TMEM71: variants seen among roughly 807,000 people sequenced by gnomAD.
TMEM71 encodes the protein transmembrane protein 71.
A neutral mutation model predicts 38.0 loss-of-function variants in TMEM71; 44 were observed. The observed-to-expected ratio is 1.16, with a 90% CI of 0.91 to 1.49. TMEM71 has a LOEUF of 1.49. TMEM71 is among the 40% of genes most tolerant of loss of function. TMEM71 has a pLI of 0.00. For missense variants in TMEM71, 367 were observed against 348.6 expected, an observed-to-expected ratio of 1.05 and a Z score of -0.42; for synonymous variants, 133 against 122.5, an observed-to-expected ratio of 1.09 and a Z score of -0.56.
the TMEM71 span, among the ~76,000 whole-genome samples, chr8:132,772,703 G>A: frequency 4.6e-5 from 7 of 152,136 alleles, no homozygotes; most frequent in African/African-American, 1.7e-4. Flanking sequence ...ATATGACTAT[G>A]ATAATATAAA....
chr8:132,755,633 T>C (rs989258534), intron 3 of TMEM71, among the ~76,000 whole-genome samples: 4 of 152,226 alleles, frequency 2.6e-5, no homozygotes, highest in Non-Finnish European at 5.9e-5. Context: ...TACACACTGA[T>C]AGATTACAGA....
intron 5 of TMEM71, among the ~76,000 whole-genome samples, chr8:132,736,655 C>A (rs1488815598): frequency 6.6e-6 from 1 of 151,766 alleles, no homozygotes; most frequent in Non-Finnish European, 1.5e-5. Context: ...CATGGTGAAA[C>A]CCCATCTCAA....
intron 5 of TMEM71, among the ~76,000 whole-genome samples, chr8:132,737,884 T>C (rs1482548063): frequency 6.6e-6 from 1 of 152,228 alleles, no homozygotes; most frequent in Non-Finnish European, 1.5e-5. Flanking sequence ...ACTGTATTCC[T>C]TCTCAGATTG....
At chr8:132,764,386 A>T (rs1829338597), upstream of TMEM71, among the ~76,000 whole-genome samples, 1 of 151,852 alleles carries the variant, frequency 6.6e-6, no homozygotes, top group African/African-American at 2.4e-5. Flanking sequence ...TACACTCCCC[A>T]AGCCATGGTC....
At chr8:132,735,086 A>G (rs1827673798) in intron 5 of TMEM71, among the ~76,000 whole-genome samples, 1 of 152,214 alleles carries the variant, frequency 6.6e-6, no homozygotes, top group Non-Finnish European at 1.5e-5. Context: ...GCAGAAATAG[A>G]GTCCATCCTG....
chr8:132,761,936 C>A (rs1829304408), upstream of TMEM71, among the ~76,000 whole-genome samples: 1 of 152,164 alleles, frequency 6.6e-6, no homozygotes, highest in African/African-American at 2.4e-5. Context: ...GGATCCTTCT[C>A]CAGTTGAGCC....
intron 5 of TMEM71, among the ~76,000 whole-genome samples, chr8:132,735,824 C>G (rs562812665): frequency 6.6e-6 from 1 of 152,212 alleles, no homozygotes; most frequent in Non-Finnish European, 1.5e-5. Flanking sequence ...ATCCCAGAAC[C>G]TGCTTGCTCT....
the TMEM71 span, among the ~76,000 whole-genome samples, chr8:132,768,976 T>A: frequency 1.3e-5 from 2 of 152,286 alleles, no homozygotes; most frequent in African/African-American, 4.8e-5. Flanking sequence ...TCTGTTTGCA[T>A]GTTTGTCTAC....
At chr8:132,752,317 T>A (rs931541411) in intron 3 of TMEM71, among the ~76,000 whole-genome samples, 1 of 152,170 alleles carries the variant, frequency 6.6e-6, no homozygotes, top group South Asian at 2.1e-4. Flanking sequence ...TGGTGGAAGC[T>A]CAAAATCCCC....
intron 9 of TMEM71, 134 bp from the exon 10 acceptor site, chr8:132,711,116 A>G: frequency 2.5e-6 from 2 of 784,556 alleles, no homozygotes; most frequent in Non-Finnish European, 4.1e-6. Flanking sequence ...GGCCTGAATT[A>G]TCACAACTAG....
chr8:132,711,597 G>C (rs1826241270), intron 9 of TMEM71, among the ~76,000 whole-genome samples: 1 of 152,112 alleles, frequency 6.6e-6, no homozygotes, highest in Admixed American at 6.6e-5. Flanking sequence ...AACGTGTACC[G>C]CTGATGCTAA....
intron 5 of TMEM71, among the ~76,000 whole-genome samples, chr8:132,737,276 A>G (rs531889905): frequency 6.6e-6 from 1 of 152,348 alleles, no homozygotes; most frequent in East Asian, 1.9e-4. Flanking sequence ...TCAATTAAAA[A>G]GTAACGAGAG....
chr8:132,765,795 T>C, the TMEM71 span, among the ~76,000 whole-genome samples: 1 of 151,486 alleles, frequency 6.6e-6, no homozygotes. Flanking sequence ...ATTATTATTA[T>C]TATTGTCTTT....
intron 5 of TMEM71, among the ~76,000 whole-genome samples, chr8:132,746,301 G>T (rs1828340377): frequency 6.7e-6 from 1 of 148,216 alleles, no homozygotes; most frequent in African/African-American, 2.5e-5. Flanking sequence ...TATATTATAT[G>T]TATTGAATAT....
the TMEM71 span, among the ~76,000 whole-genome samples, chr8:132,766,307 T>C: frequency 6.7e-6 from 1 of 148,234 alleles, no homozygotes. Context: ...TATTGCATGG[T>C]CAAGTTCAAT....
chr8:132,753,602 C>A (rs1032723523), intron 3 of TMEM71, among the ~76,000 whole-genome samples: 9 of 152,096 alleles, frequency 5.9e-5, no homozygotes, highest in Non-Finnish European at 7.4e-5. Context: ...AGCACCCCCA[C>A]AACCCTTCAC....
intron 4 of TMEM71, among the ~76,000 whole-genome samples, chr8:132,749,511 G>C (rs1318321314): frequency 2.0e-5 from 3 of 152,136 alleles, no homozygotes; most frequent in Middle Eastern, 3.2e-3. Flanking sequence ...TACCATTTAC[G>C]GGCTGGGGAA....
chr8:132,713,037 G>T (rs1346002833), intron 9 of TMEM71, among the ~76,000 whole-genome samples: 2 of 151,484 alleles, frequency 1.3e-5, no homozygotes, highest in South Asian at 4.2e-4. Flanking sequence ...TTTTTCGTAG[G>T]TCTCACTATG....
chr8:132,758,513 C>A, intron 2 of TMEM71: 2 of 232,450 alleles, frequency 8.6e-6, no homozygotes, highest in South Asian at 1.5e-4. Flanking sequence ...CTGCAAGTAG[C>A]TATCAAAATC....
Sources: allele counts gnomAD v4.1 joint callset (sites outside exome capture counted in the v4.1 genomes callset), GRCh38; gene constraint gnomAD v4.1.1; transcripts MANE v1.5; gene names NCBI Gene and HGNC (gene_info 2026-07-23, HGNC 2026-07-21).